The following TNS3 variants were observed in gnomAD, a reference collection of about 807,000 sequenced individuals.
The protein encoded by TNS3 is tensin-3.
Under a neutral mutation model 140.9 loss-of-function variants are expected in TNS3, and 45 were observed. The observed-to-expected ratio is 0.32, with a 90% CI of 0.25 to 0.41. The LOEUF (loss-of-function observed/expected upper bound fraction) is 0.41. Ranked by LOEUF, TNS3 falls within the 10% of genes least tolerant of loss-of-function variation. The pLI, the probability that TNS3 is intolerant of heterozygous loss-of-function variation, is 1.00. For synonymous variants in TNS3, 815 were observed against 788.4 expected (o/e 1.03, Z -0.56); for missense variants, 1,716 against 1,906.7 (o/e 0.90, Z 1.86).
intron 1 of TNS3, among the ~76,000 whole-genome samples, chr7:47,551,360 T>C (rs1800056556): frequency 6.6e-6 from 1 of 152,184 alleles, no homozygotes; most frequent in African/African-American, 2.4e-5. Flanking sequence ...GATGGTTCTG[T>C]CTCACTCCAG....
chr7:47,360,702 C>T (rs1260149324), intron 17 of TNS3, among the ~76,000 whole-genome samples: 1 of 152,184 alleles, frequency 6.6e-6, no homozygotes, highest in Non-Finnish European at 1.5e-5. Context: ...CTTGCTGACG[C>T]CTGAGTCCTT....
At chr7:47,353,525 C>T (rs1354048603) in intron 17 of TNS3, among the ~76,000 whole-genome samples, 1 of 152,214 alleles carries the variant, frequency 6.6e-6, no homozygotes, top group Admixed American at 6.5e-5. Context: ...GCAAACCAAG[C>T]TCCCTGGAAC....
chr7:47,321,158 C>T (rs998341190), intron 20 of TNS3, among the ~76,000 whole-genome samples: 3 of 152,220 alleles, frequency 2.0e-5, no homozygotes, highest in Non-Finnish European at 2.9e-5. Context: ...GGAGATGATG[C>T]GGCTTCACCC....
chr7:47,483,769 C>T (rs1355554522), intron 3 of TNS3, among the ~76,000 whole-genome samples: 4 of 152,164 alleles, frequency 2.6e-5, no homozygotes, highest in Non-Finnish European at 5.9e-5. Flanking sequence ...CGGGACTGCC[C>T]GAGTCCCATC....
intron 2 of TNS3, among the ~76,000 whole-genome samples, chr7:47,512,434 A>G: frequency 6.6e-6 from 1 of 152,250 alleles, no homozygotes; most frequent in Non-Finnish European, 1.5e-5. Flanking sequence ...CTCTGCCATG[A>G]AAAGAATAGT....
intron 17 of TNS3, among the ~76,000 whole-genome samples, chr7:47,359,636 A>G (rs1381428080): frequency 6.6e-6 from 1 of 152,250 alleles, no homozygotes; most frequent in African/African-American, 2.4e-5. Flanking sequence ...GGGCCGGACC[A>G]AAGATTTTCA....
At chr7:47,500,960 C>A (rs147848112) in intron 3 of TNS3, among the ~76,000 whole-genome samples, 2 of 152,124 alleles carry the variant, frequency 1.3e-5, no homozygotes, top group South Asian at 4.1e-4. Context: ...TGTTGGCACA[C>A]GCCTATAACC....
chr7:47,327,491 T>C (rs917232502), intron 20 of TNS3, among the ~76,000 whole-genome samples: 6 of 152,160 alleles, frequency 3.9e-5, no homozygotes, highest in African/African-American at 1.4e-4. Flanking sequence ...TCAAGGGCCC[T>C]GGAACTGGGG....
At position 47,563,455 on chromosome 7, in the gene TNS3, C is replaced by T. The variant is rs191613302; in HGVS notation, c.-265+18596G>A. On this transcript the variant is annotated intron_variant, in intron 1 of 30. Transcript: ENST00000311160. ...ACCTCCTGGGTCCTGAGCTAGTCAACCATGGGGCAGGACTCACTAGCAAGA... is the reference window on the plus strand; with the variant it reads ...ACCTCCTGGGTCCTGAGCTAGTCAATCATGGGGCAGGACTCACTAGCAAGA... 1.9e-4 allele frequency among the ~76,000 whole-genome samples: 29 copies of T among 152,312 alleles called. No homozygotes were observed. In the East Asian group the frequency reaches 5.2e-3, roughly 27 times the overall value.
intron 17 of TNS3, among the ~76,000 whole-genome samples, chr7:47,353,881 G>C (rs189642455): frequency 6.6e-6 from 1 of 151,892 alleles, no homozygotes; most frequent in Admixed American, 6.6e-5. Flanking sequence ...GTCTCACTCC[G>C]CAACCTGCAG....
chr7:47,436,230 A>C (rs1562738926), intron 7 of TNS3, among the ~76,000 whole-genome samples: 5 of 152,234 alleles, frequency 3.3e-5, no homozygotes, highest in Non-Finnish European at 7.3e-5. Context: ...ATTTAGCATA[A>C]TTGAGATACT....
intron 3 of TNS3, among the ~76,000 whole-genome samples, chr7:47,494,738 C>G (rs1026028999): frequency 1.3e-5 from 2 of 152,194 alleles, no homozygotes; most frequent in Non-Finnish European, 2.9e-5. Flanking sequence ...ACTCCGCCAG[C>G]TGCTCCCGGG....
chr7:47,322,537 CAA>C (rs1491520592), intron 20 of TNS3, among the ~76,000 whole-genome samples: 4 of 137,488 alleles, frequency 2.9e-5, no homozygotes, highest in East Asian at 2.3e-4. Flanking sequence ...AACAAACAAA[CAA>C]ACACACACAC....
At chr7:47,498,942 G>A (rs543101071) in intron 3 of TNS3, among the ~76,000 whole-genome samples, 1 of 152,372 alleles carries the variant, frequency 6.6e-6, no homozygotes, top group South Asian at 2.1e-4. Context: ...GGCAGCTGGT[G>A]TCGCCCAGCT....
chr7:47,369,853 T>C (rs1790952497), intron 16 of TNS3, among the ~76,000 whole-genome samples: 1 of 152,244 alleles, frequency 6.6e-6, no homozygotes, highest in Non-Finnish European at 1.5e-5. Context: ...ACTTCTACCT[T>C]TCCATGCAAA....
chr7:47,405,610 C>G, intron 13 of TNS3: 1 of 702,852 alleles, frequency 1.4e-6, no homozygotes, highest in South Asian at 1.5e-5. Context: ...AAAACACAAC[C>G]AAGTCCACTA....
At chr7:47,562,255 C>T (rs1562857994) in intron 1 of TNS3, among the ~76,000 whole-genome samples, 1 of 152,076 alleles carries the variant, frequency 6.6e-6, no homozygotes, top group African/African-American at 2.4e-5. Context: ...TTTTCCTCAA[C>T]AGAGTTCTGC....
intron 20 of TNS3, among the ~76,000 whole-genome samples, chr7:47,322,213 C>CA (rs759875153): frequency 0.051 from 2,445 of 48,338 alleles, 53 homozygotes; most frequent in Non-Finnish European, 0.056. Context: ...GTAGAACGGG[C>CA]AAAAAAAAAA....
intron 9 of TNS3, among the ~76,000 whole-genome samples, chr7:47,427,620 T>C (rs1222297667): frequency 1.3e-5 from 2 of 152,196 alleles, no homozygotes; most frequent in Admixed American, 1.3e-4. Context: ...AGGATGGGCA[T>C]AGGGCTGAGG....
Sources: allele counts gnomAD v4.1 joint callset (sites outside exome capture counted in the v4.1 genomes callset), GRCh38; gene constraint gnomAD v4.1.1; transcripts MANE v1.5; gene names NCBI Gene and HGNC (gene_info 2026-07-23, HGNC 2026-07-21).